The following SSUH2 variants were observed in gnomAD, a reference collection of about 807,000 sequenced individuals.
SSUH2 encodes the protein protein SSUH2 homolog.
A neutral mutation model predicts 55.3 loss-of-function variants in SSUH2; 47 were observed. The ratio of observed to expected loss-of-function variants is 0.85; its 90% CI spans 0.67 to 1.08. The LOEUF (loss-of-function observed/expected upper bound fraction) is 1.08. Among genes scored for constraint, SSUH2 ranks in the 50% least tolerant of loss-of-function variants. SSUH2 has a pLI of 0.00. For missense variants in SSUH2, 535 were observed against 490.7 expected, an observed-to-expected ratio of 1.09 and a Z score of -0.85; for synonymous variants, 212 against 191.5, an observed-to-expected ratio of 1.11 and a Z score of -0.89.
At position 8,679,570 on chromosome 3, in the gene SSUH2, C is replaced by A. The variant is rs574497035; in HGVS notation, c.-901+135G>T. ...AGGCAGGAACTGAGAGCCAGCCTCT[C>A]TTCCCCCCCTGGCTCTTGGGACCCC... On this transcript the variant is annotated intron_variant, in intron 2 of 18. Coordinates refer to the SSUH2 transcript ENST00000317371. 1.1e-4 allele frequency: 17 copies of A among 153,748 alleles called. No homozygotes were observed. The East Asian group carries it at 1.3e-3, about 12-fold the overall frequency. The allele number at this position is 153,748 out of a possible 1,614,324, so 9.5% of individuals were successfully genotyped here. A position where few individuals can be genotyped will look rare whatever the true frequency, so the allele number is the denominator to read the frequency against.
chr3:8,634,139 GCA>G (rs554852344), intron 3 of SSUH2: 26 of 679,820 alleles, frequency 3.8e-5, no homozygotes, highest in Middle Eastern at 4.1e-4. Flanking sequence ...AGAGGATGTC[GCA>G]CAGTTAAAAG....
At chr3:8,671,957 A>T (rs1375916661) in exon 4 of SSUH2, 1 of 152,084 alleles carries the variant, frequency 6.6e-6, no homozygotes, top group African/African-American at 2.4e-5. Context: ...ATATCTTCTC[A>T]GCCTCTGGAA....
intron 7 of SSUH2, among the ~76,000 whole-genome samples, chr3:8,628,162 G>A (rs750528769): frequency 8.5e-5 from 13 of 152,132 alleles, no homozygotes; most frequent in Non-Finnish European, 1.6e-4. Flanking sequence ...GGCCTAGGCT[G>A]TGCTCCCAGT....
At chr3:8,653,163 A>G (rs1024634219) in intron 7 of SSUH2, among the ~76,000 whole-genome samples, 2 of 152,146 alleles carry the variant, frequency 1.3e-5, no homozygotes, top group African/African-American at 2.4e-5. Context: ...CTGGTCATCC[A>G]TCTGGCTGGA....
At chr3:8,670,344 C>T (rs545739318) in intron 5 of SSUH2, among the ~76,000 whole-genome samples, 1 of 152,132 alleles carries the variant, frequency 6.6e-6, no homozygotes, top group South Asian at 2.1e-4. Flanking sequence ...AAAGAAACAT[C>T]CCCCTAGGAT....
rs1294286240 is a variant in SSUH2, at chr3:8,679,312, GACTAA to G, written c.-901+388_-901+392del. Among the ~76,000 whole-genome samples, 11 of 60,092 alleles carry G rather than the reference GACTAA, an allele frequency of 1.8e-4. 1 individual carries two copies. The East Asian group carries it at 3.0e-3, about 16-fold the overall frequency. 39.4% of individuals were successfully genotyped at this position (60,092 alleles called of 152,430 possible). On this transcript the variant is annotated intron_variant, in intron 2 of 18. Transcript: ENST00000317371. ...GGGGAGCCACCCCCCATGAGGCGGG[GACTAA>G]GAGCCAGCCCCTCTTCCCGCCCCTT...
rs181700472 is a variant in SSUH2, at chr3:8,655,718, G to A, written c.-307+3207C>T. 5.3e-5 allele frequency among the ~76,000 whole-genome samples: 8 copies of A among 152,334 alleles called. No homozygotes were observed. In the East Asian group the frequency reaches 9.6e-4, roughly 18 times the overall value. ...TGATTGACATCAATGAGCTGACAGC[G>A]TGGAGAGAAAGCACCATTCCTTTGT... On this transcript the variant is annotated intron_variant, in intron 7 of 18. Transcript: ENST00000317371.
upstream of SSUH2, chr3:8,644,935 C>T: frequency 1.5e-6 from 1 of 650,208 alleles, no homozygotes; most frequent in Non-Finnish European, 2.8e-6. Flanking sequence ...ACCCAATCCA[C>T]CGGGTTCTGG....
chr3:8,629,577 C>T, intron 7 of SSUH2, 87 bp downstream of exon 7: 1 of 1,243,798 alleles, frequency 8.0e-7, no homozygotes, highest in Non-Finnish European at 1.2e-6. Context: ...TGCAGGGAGC[C>T]TCAGGCCACC....
intron 5 of SSUH2, among the ~76,000 whole-genome samples, chr3:8,665,442 T>C (rs991123875): frequency 6.6e-6 from 1 of 152,142 alleles, no homozygotes; most frequent in African/African-American, 2.4e-5. Context: ...GCAGTCTCTG[T>C]CCCTCAGTGT....
At position 8,678,888 on chromosome 3, in the gene SSUH2, CA is replaced by C. The variant is rs1705679364; in HGVS notation, c.-901+816del. Among the ~76,000 whole-genome samples, 3 of 110,244 alleles carry C rather than the reference CA, an allele frequency of 2.7e-5. 1 individual carries two copies. The highest frequency in any genetic ancestry group is 1.8e-4 in the Admixed American group (2 of 11,138). The allele number at this position is 110,244 out of a possible 152,430, so 72.3% of individuals were successfully genotyped here. On this transcript the variant is annotated intron_variant, in intron 2 of 18. Coordinates refer to the SSUH2 transcript ENST00000317371. ...AGCCTGGCTCTTAGGATCCCCATTG[CA>C]AGGGAGGGAGGCACCCCCCGCCAGG...
chr3:8,628,016 C>T lies in SSUH2; in HGVS notation c.589-233G>A, dbSNP rs146992978. 3.3e-5 allele frequency among the ~76,000 whole-genome samples: 5 copies of T among 152,316 alleles called. No individual in the cohort carries two copies. The East Asian group carries it at 9.7e-4, about 29-fold the overall frequency. On this transcript the variant is annotated intron_variant, in intron 7 of 11. Coordinates refer to ENST00000544814, the MANE Select transcript of SSUH2 (RefSeq NM_001256748.3). ...GTTTCTTTTGAGACATCAGCCTCTC[C>T]TGCCTCTTCTCTGATCCCCACAACC... is the stretch of plus-strand genomic sequence containing the variant.
intron 11 of SSUH2, 99 bp downstream of exon 11, chr3:8,623,450 T>C: frequency 1.3e-6 from 1 of 794,126 alleles, no homozygotes; most frequent in Non-Finnish European, 2.1e-6. Flanking sequence ...CTCCCTCACC[T>C]CTACGTCCTC....
upstream of SSUH2, among the ~76,000 whole-genome samples, chr3:8,648,908 C>T (rs985032433): frequency 2.0e-5 from 3 of 152,152 alleles, no homozygotes; most frequent in African/African-American, 7.2e-5. Flanking sequence ...GGTCACCTTC[C>T]CCTGGGTGCT....
upstream of SSUH2, among the ~76,000 whole-genome samples, chr3:8,646,830 C>T (rs746301195): frequency 1.4e-4 from 22 of 152,196 alleles, no homozygotes; most frequent in East Asian, 1.7e-3. Context: ...GGAAGAGAGG[C>T]GCCCACTATG....
At chr3:8,664,802 A>AGC (rs1189261509) in intron 5 of SSUH2, among the ~76,000 whole-genome samples, 1 of 152,240 alleles carries the variant, frequency 6.6e-6, no homozygotes, top group Non-Finnish European at 1.5e-5. Flanking sequence ...TTAACAAAAA[A>AGC]GCAAATTAAG....
intron 1 of SSUH2, among the ~76,000 whole-genome samples, chr3:8,680,142 C>A (rs1705853763): frequency 6.6e-6 from 1 of 152,194 alleles, no homozygotes; most frequent in Admixed American, 6.5e-5. Flanking sequence ...GGGACCCTGG[C>A]CGAGGCCGGT....
rs2125210009 is a variant in SSUH2 at position 8,635,871 on chromosome 3, A to G, written c.29-14T>C. The G allele has an allele frequency of 2.0e-6, 3 of 1,535,060 alleles. No individual in the cohort carries two copies. The highest frequency in any genetic ancestry group is 2.6e-6 in the Non-Finnish European group (3 of 1,146,244). On this transcript the variant is annotated splice_polypyrimidine_tract_variant and intron_variant, in intron 1 of 11. Coordinates refer to ENST00000544814, the MANE Select transcript of SSUH2 (RefSeq NM_001256748.3). ...GGTCCACCACACCTGCAGAAAGACA[A>G]GCATTCCTAAGCCTTGGGTAGGGAG...
chr3:8,678,206 A>T (rs547091952), intron 2 of SSUH2, among the ~76,000 whole-genome samples: 40 of 152,092 alleles, frequency 2.6e-4, no homozygotes, highest in Middle Eastern at 3.4e-3. Flanking sequence ...TCCGCCTTGG[A>T]ATATTATGAA....
Sources: allele counts gnomAD v4.1 joint callset (sites outside exome capture counted in the v4.1 genomes callset), GRCh38; gene constraint gnomAD v4.1.1; transcripts MANE v1.5; gene names NCBI Gene and HGNC (gene_info 2026-07-23, HGNC 2026-07-21).